Variants in COMMD10 observed in about 807,000 individuals in gnomAD.
COMMD10 encodes COMM domain containing 10.
COMMD10 carries 33 observed loss-of-function variants against 28.9 expected under a neutral mutation model. That is an observed-to-expected ratio of 1.14 (90% CI 0.87 to 1.53). The LOEUF (loss-of-function observed/expected upper bound fraction) is 1.53. Ranked by LOEUF, COMMD10 falls within the 40% of genes most tolerant of loss-of-function variation. The pLI, the probability that COMMD10 is intolerant of heterozygous loss-of-function variation, is 0.00. For synonymous variants in COMMD10, 110 were observed against 81.7 expected (o/e 1.35, Z -1.87); for missense variants, 310 against 233.4 (o/e 1.33, Z -2.14).
At chr5:116,178,911 A>G (rs113687997) in intron 5 of COMMD10, among the ~76,000 whole-genome samples, 2,298 of 152,252 alleles carry the variant, frequency 0.015, 62 homozygotes, top group African/African-American at 0.052. Context: ...TAATTATTCA[A>G]TTACATTAGA....
At chr5:116,258,683 G>A (rs1036998501) in intron 5 of COMMD10, among the ~76,000 whole-genome samples, 1 of 151,462 alleles carries the variant, frequency 6.6e-6, no homozygotes, top group Non-Finnish European at 1.5e-5. Flanking sequence ...TATAATTTTT[G>A]TACCACTGTA....
At position 116,292,433 on chromosome 5, in the gene COMMD10, TTTTG is replaced by T. The variant is rs765892831; in HGVS notation, c.571-16_571-13del. 2.9e-5 allele frequency: 43 copies of T among 1,495,276 alleles called. No homozygotes were observed. The highest frequency in any genetic ancestry group is 1.3e-4 in the Admixed American group (6 of 45,702). 92.6% of individuals were successfully genotyped at this position (1,495,276 alleles called of 1,614,324 possible). On this transcript the variant is annotated splice_polypyrimidine_tract_variant and intron_variant, in intron 6 of 6. Transcript: ENST00000274458. ...TCCCTTCACTAACGTCTTTTTTTTT[TTTTG>T]TCTTTGTAAATAGCTAGAGACTATA...
At chr5:116,240,098 A>G (rs996759894) in intron 5 of COMMD10, among the ~76,000 whole-genome samples, 3 of 152,300 alleles carry the variant, frequency 2.0e-5, no homozygotes, top group East Asian at 3.9e-4. Flanking sequence ...GTAGATCACT[A>G]TGTGAGGCTA....
At chr5:116,209,259 G>A (rs879083449) in intron 5 of COMMD10, among the ~76,000 whole-genome samples, 1 of 151,662 alleles carries the variant, frequency 6.6e-6, no homozygotes, top group Admixed American at 6.6e-5. Flanking sequence ...AAGAGATTAA[G>A]TGTAATATTT....
intron 5 of COMMD10, among the ~76,000 whole-genome samples, chr5:116,193,699 A>G (rs1465415940): frequency 2.0e-5 from 3 of 152,094 alleles, no homozygotes; most frequent in Non-Finnish European, 4.4e-5. Context: ...AAGAAATGAG[A>G]TAGACAGCAA....
At chr5:116,271,315 T>A (rs893727253) in intron 5 of COMMD10, among the ~76,000 whole-genome samples, 1 of 147,064 alleles carries the variant, frequency 6.8e-6, no homozygotes, top group Admixed American at 6.8e-5. Flanking sequence ...AAAATATATA[T>A]AAAATATAAA....
chr5:116,166,806 A>G (rs924355856), intron 5 of COMMD10, among the ~76,000 whole-genome samples: 2 of 152,310 alleles, frequency 1.3e-5, no homozygotes. Flanking sequence ...ATCAACATCA[A>G]CAAAACGGAC....
chr5:116,277,126 TC>T (rs1381271803), intron 5 of COMMD10, among the ~76,000 whole-genome samples: 2 of 151,896 alleles, frequency 1.3e-5, no homozygotes, highest in Non-Finnish European at 2.9e-5. Flanking sequence ...CCATGTTCCA[TC>T]CTTTATTTAG....
intron 5 of COMMD10, among the ~76,000 whole-genome samples, chr5:116,223,732 A>G (rs1749322511): frequency 6.6e-6 from 1 of 152,166 alleles, no homozygotes; most frequent in South Asian, 2.1e-4. Flanking sequence ...ACTATAATGT[A>G]TTGTAAGATA....
At chr5:116,119,824 C>T (rs921282873) in intron 4 of COMMD10, among the ~76,000 whole-genome samples, 3 of 152,050 alleles carry the variant, frequency 2.0e-5, no homozygotes, top group Non-Finnish European at 4.4e-5. Flanking sequence ...CCATTTTGCC[C>T]AGGCTGGTCT....
intron 5 of COMMD10, among the ~76,000 whole-genome samples, chr5:116,222,550 G>A (rs1749288942): frequency 6.6e-6 from 1 of 152,144 alleles, no homozygotes; most frequent in Non-Finnish European, 1.5e-5. Context: ...TATGTTTTAT[G>A]AGGGAATTTA....
intron 4 of COMMD10, among the ~76,000 whole-genome samples, chr5:116,127,338 C>G (rs974141806): frequency 6.6e-6 from 1 of 152,174 alleles, no homozygotes; most frequent in Non-Finnish European, 1.5e-5. Flanking sequence ...GGAGTGTAAA[C>G]TAGTTCAACC....
chr5:116,108,008 G>C (rs983214512), intron 4 of COMMD10, among the ~76,000 whole-genome samples: 1 of 152,224 alleles, frequency 6.6e-6, no homozygotes, highest in Non-Finnish European at 1.5e-5. Context: ...GCAGGCTGCA[G>C]AACAGCAAAG....
At chr5:116,266,767 C>T (rs1231522693) in intron 5 of COMMD10, among the ~76,000 whole-genome samples, 1 of 151,762 alleles carries the variant, frequency 6.6e-6, no homozygotes, top group Admixed American at 6.6e-5. Flanking sequence ...TGGGCTTCAT[C>T]CCTGGGATGC....
intron 5 of COMMD10, among the ~76,000 whole-genome samples, chr5:116,285,920 A>G (rs1163475596): frequency 6.6e-6 from 1 of 151,776 alleles, no homozygotes; most frequent in African/African-American, 2.4e-5. Flanking sequence ...AAGTTTTTGG[A>G]AGAGTTTCAG....
chr5:116,280,195 A>G (rs1412002054), intron 5 of COMMD10, among the ~76,000 whole-genome samples: 2 of 151,876 alleles, frequency 1.3e-5, no homozygotes, highest in African/African-American at 4.9e-5. Context: ...ACTTCCATTC[A>G]CTAGTTTAAC....
At chr5:116,169,740 CATT>C (rs928817022) in intron 5 of COMMD10, among the ~76,000 whole-genome samples, 1 of 152,286 alleles carries the variant, frequency 6.6e-6, no homozygotes, top group South Asian at 2.1e-4. Context: ...ACAAAAACCA[CATT>C]ATTATCTCAA....
At chr5:116,108,954 C>A (rs1750942558) in intron 4 of COMMD10, among the ~76,000 whole-genome samples, 1 of 152,116 alleles carries the variant, frequency 6.6e-6, no homozygotes, top group Non-Finnish European at 1.5e-5. Context: ...GAAGGGGGAT[C>A]TCCTGACCCG....
At chr5:116,159,189 A>G (rs889876285) in intron 5 of COMMD10, among the ~76,000 whole-genome samples, 6 of 152,186 alleles carry the variant, frequency 3.9e-5, no homozygotes, top group African/African-American at 1.2e-4. Context: ...GTGAAACCCA[A>G]AGGCCTGTAA....
Sources: allele counts gnomAD v4.1 joint callset (sites outside exome capture counted in the v4.1 genomes callset), GRCh38; gene constraint gnomAD v4.1.1; transcripts MANE v1.5; gene names NCBI Gene and HGNC (gene_info 2026-07-23, HGNC 2026-07-21).